CEP44: variants seen among roughly 807,000 people sequenced by gnomAD.
CEP44 encodes centrosomal protein of 44 kDa.
A neutral mutation model predicts 46.7 loss-of-function variants in CEP44; 45 were observed. The observed-to-expected ratio is 0.96, with a 90% CI of 0.76 to 1.24. The LOEUF is 1.24. CEP44 is among the 50% of genes most tolerant of loss of function. CEP44 has a pLI of 0.00. For synonymous variants in CEP44, 142 were observed against 146.0 expected, an observed-to-expected ratio of 0.97 and a Z score of 0.20; for missense variants, 475 against 459.7, an observed-to-expected ratio of 1.03 and a Z score of -0.30.
chr4:174,289,021 G>T (rs1010978747), intron 1 of CEP44, among the ~76,000 whole-genome samples: 2 of 152,166 alleles, frequency 1.3e-5, no homozygotes, highest in African/African-American at 4.8e-5. Context: ...AGATGCCCAT[G>T]TGAGTTTTAT....
intron 6 of CEP44, among the ~76,000 whole-genome samples, chr4:174,305,583 A>G (rs1055645212): frequency 1.3e-5 from 2 of 152,240 alleles, no homozygotes; most frequent in Non-Finnish European, 2.9e-5. Context: ...GAATGATACA[A>G]AGCCGCCATT....
chr4:174,298,089 T>G (rs1310189922), intron 2 of CEP44, 27 bp downstream of exon 2: 3 of 152,220 alleles, frequency 2.0e-5, no homozygotes, highest in Admixed American at 1.3e-4. Context: ...TCATTTGCTT[T>G]TCATTTTCCA....
chr4:174,331,218 G>T lies in CEP44; in HGVS notation c.1087-264G>T. 6.7e-6 allele frequency among the ~76,000 whole-genome samples: 1 copy of T among 149,758 alleles called. No individual in the cohort carries two copies. The highest frequency in any genetic ancestry group is 2.5e-5 in the African/African-American group (1 of 40,652). ...AAGACAATTGCATAGATTTCTTATT[G>T]CCATCACTCCTCACCAATGAGAAAA... On this transcript the variant is annotated intron_variant, in intron 8 of 8. Transcript: ENST00000426172. This position sits in a 1 kb window ranked among gnomAD's most constrained non-coding sequence, Gnocchi z 4.5.
Position 174,318,833 on chromosome 4 carries a change from A to G in CEP44, c.*1450A>G. Reference sequence around the variant, plus strand: ...TTTTTTTTTTTTTTCTTTTTGAAACAGGGTCTCACTCTATTGCCCAGGCTG... The same window carrying G: ...TTTTTTTTTTTTTTCTTTTTGAAACGGGGTCTCACTCTATTGCCCAGGCTG... On this transcript the variant is annotated 3_prime_UTR_variant, in exon 12 of 12. Coordinates refer to ENST00000503780, the MANE Select transcript of CEP44 (RefSeq NM_001040157.3). 1.6e-6 allele frequency: 1 copy of G among 608,416 alleles called. No individual in the cohort carries two copies. Among genetic ancestry groups the G allele is most frequent in the Non-Finnish European group, 2.0e-6 (1 of 487,894 alleles). 37.7% of individuals were successfully genotyped at this position (608,416 alleles called of 1,614,324 possible).
rs1741841704 is a variant in CEP44, at chr4:174,317,277, A to T, written c.1125-58A>T. The T allele has an allele frequency of 1.1e-5, 8 of 706,022 alleles. No individual in the cohort carries two copies. The East Asian group carries it at 2.4e-4, about 21-fold the overall frequency. 43.7% of individuals were successfully genotyped at this position (706,022 alleles called of 1,614,324 possible). A position where few individuals can be genotyped will look rare whatever the true frequency, so the allele number is the denominator to read the frequency against. On this transcript the variant is annotated intron_variant, in intron 11 of 11. Transcript: ENST00000503780. ...AAAAAGCATAATTTCAACAACTAAA[A>T]TGCTATGCTTTATTATGAATTATTG...
chr4:174,333,303 C>T (rs1271691053), exon 9 of CEP44: 1 of 144,818 alleles, frequency 6.9e-6, no homozygotes, highest in Non-Finnish European at 1.5e-5. Flanking sequence ...GTATGCATAC[C>T]TTTCCACAGC....
intron 1 of CEP44, chr4:174,285,352 G>C (rs888788569): frequency 4.6e-5 from 7 of 152,172 alleles, no homozygotes; most frequent in African/African-American, 1.7e-4. Flanking sequence ...ATGTAGAGCA[G>C]TAGCTGTAAT....
At chr4:174,333,193 AG>A (rs1449577582) in exon 9 of CEP44, 1 of 151,094 alleles carries the variant, frequency 6.6e-6, no homozygotes, top group Non-Finnish European at 1.5e-5. Flanking sequence ...GTGGTTAATT[AG>A]AGAGCGTAAA....
intron 6 of CEP44, among the ~76,000 whole-genome samples, 176 bp downstream of exon 6, chr4:174,304,545 T>G (rs577835213): frequency 6.6e-6 from 1 of 152,332 alleles, no homozygotes; most frequent in Admixed American, 6.5e-5. Flanking sequence ...GTTATAACAA[T>G]AGGATAGAAA....
Position 174,288,132 on chromosome 4 carries a change from AT to A in CEP44, c.-148+4191del. ...TTTTTAACCTGTTTATTGCGGTATGATTGACATACAGAAAGCTATAGACATT... is the reference window on the plus strand; with the variant it reads ...TTTTTAACCTGTTTATTGCGGTATGATGACATACAGAAAGCTATAGACATT... On this transcript the variant is annotated intron_variant, in intron 1 of 11. Transcript: ENST00000503780. This position sits in a 1 kb window ranked among gnomAD's most constrained non-coding sequence, Gnocchi z 4.6. Among the ~76,000 whole-genome samples, 1 of 152,296 alleles carries A rather than the reference AT, an allele frequency of 6.6e-6. No individual in the cohort carries two copies. Among genetic ancestry groups the A allele is most frequent in the East Asian group, 1.9e-4 (1 of 5,176 alleles).
chr4:174,317,543 TTTAA>T lies in CEP44; in HGVS notation c.*162_*165del. On this transcript the variant is annotated 3_prime_UTR_variant, in exon 12 of 12. Transcript: ENST00000503780. The stretch of plus-strand genomic sequence containing the variant: ...TTTGCATTCATTATTGAATAACTCT[TTTAA>T]TATTTTTGAGCAATGATTATACTGC... 8.4e-7 allele frequency: 1 copy of T among 1,184,560 alleles called. No homozygotes were observed. The highest frequency in any genetic ancestry group is 1.1e-6 in the Non-Finnish European group (1 of 948,820). 73.4% of individuals were successfully genotyped at this position (1,184,560 alleles called of 1,614,324 possible).
In CEP44 at chr4:174,301,962, T is replaced by C; in HGVS notation, c.90-77T>C. 3 of 1,255,816 alleles carry C rather than the reference T, an allele frequency of 2.4e-6. No homozygotes were observed. The highest frequency in any genetic ancestry group is 3.3e-6 in the Non-Finnish European group (3 of 910,904). The allele number at this position is 1,255,816 out of a possible 1,614,324, so 77.8% of individuals were successfully genotyped here. ...TAAATTATTATAAACATTTCTAATA[T>C]TTTCTTGATTATCCAACTTTGTGGA... On this transcript the variant is annotated intron_variant, in intron 3 of 11. Transcript: ENST00000503780. The surrounding 1 kb of genome is among the most constrained non-coding windows in gnomAD (Gnocchi z 4.3).
intron 8 of CEP44, among the ~76,000 whole-genome samples, chr4:174,327,170 T>C (rs2126700880): frequency 7.0e-6 from 1 of 143,724 alleles, no homozygotes; most frequent in South Asian, 2.3e-4. Flanking sequence ...TGTGTGTATA[T>C]ATATGTATAT....
chr4:174,308,758 C>G lies in CEP44; in HGVS notation c.577C>G (p.Pro193Ala). The G allele has an allele frequency of 1.2e-6, 2 of 1,612,806 alleles. No homozygotes were observed. The highest frequency in any genetic ancestry group is 1.7e-5 in the Admixed American group (1 of 59,954). Reference sequence around the variant, plus strand: ...TGACATTTCTGAGGATACATTAAGTCCAATAACAGATGTTAATGAAGCAGT... The same window carrying G: ...TGACATTTCTGAGGATACATTAAGTGCAATAACAGATGTTAATGAAGCAGT... ...NVDISEDTLS[P>A]ITDVNEAVDV... is the part of the protein sequence containing the mutation. The change falls in exon 7 of 12, where the codon CCA (proline) becomes GCA (alanine). Residue 193 changes from proline (P) to alanine (A), a missense_variant. Physicochemically the swap from Pro to Ala is conservative, Grantham distance 27. Transcript: ENST00000503780.
downstream of CEP44, among the ~76,000 whole-genome samples, chr4:174,322,879 G>A (rs1304615509): frequency 6.6e-6 from 1 of 152,082 alleles, no homozygotes; most frequent in Non-Finnish European, 1.5e-5. Context: ...TAGCATTAAT[G>A]CCCAAGTTGG....
chr4:174,302,653 T>G (rs1456714803), intron 4 of CEP44, among the ~76,000 whole-genome samples: 2 of 152,156 alleles, frequency 1.3e-5, no homozygotes, highest in African/African-American at 4.8e-5. Context: ...TTGTACTATG[T>G]GTATACTGAA....
intron 4 of CEP44, 141 bp downstream of exon 4, chr4:174,302,327 GTC>G (rs1181992006): frequency 1.0e-5 from 6 of 579,174 alleles, no homozygotes; most frequent in African/African-American, 5.9e-5. Flanking sequence ...TTTAAATGTA[GTC>G]TCTATTGAAA....
At position 174,297,612 on chromosome 4, in the gene CEP44, A is replaced by G. The variant is rs1739194277; in HGVS notation, c.-147-354A>G. On this transcript the variant is annotated intron_variant, in intron 1 of 11. Coordinates refer to ENST00000503780, the MANE Select transcript of CEP44 (RefSeq NM_001040157.3). This position sits in a 1 kb window ranked among gnomAD's most constrained non-coding sequence, Gnocchi z 4.3. Reference sequence around the variant, plus strand: ...TGCTGTCACAGAGGATGTAAGTCTAACAGCTTCTTGAGGCTGAGATATAGG... The same window carrying G: ...TGCTGTCACAGAGGATGTAAGTCTAGCAGCTTCTTGAGGCTGAGATATAGG... 6.6e-6 allele frequency among the ~76,000 whole-genome samples: 1 copy of G among 151,974 alleles called. No individual in the cohort carries two copies. Among genetic ancestry groups the G allele is most frequent in the Non-Finnish European group, 1.5e-5 (1 of 67,984 alleles).
At position 174,289,905 on chromosome 4, in the gene CEP44, C is replaced by T. The variant is rs116412078; in HGVS notation, c.-148+5962C>T. Among the ~76,000 whole-genome samples, 1,433 of 150,150 alleles carry T rather than the reference C, an allele frequency of 9.5e-3. 23 individuals carry two copies. Among genetic ancestry groups the T allele is most frequent in the African/African-American group, 0.033 (1,361 of 40,826 alleles). Reference sequence around the variant, plus strand: ...GGCTGGAGTGCAGTGGCGTGATGATCTTGGCTTACTGCAACCTCCGCCTCC... The same window carrying T: ...GGCTGGAGTGCAGTGGCGTGATGATTTTGGCTTACTGCAACCTCCGCCTCC... On this transcript the variant is annotated intron_variant, in intron 1 of 11. Transcript: ENST00000503780.
Sources: gnomAD v4.1 joint callset for allele counts (sites outside exome capture counted in the v4.1 genomes callset) on GRCh38, gnomAD v4.1.1 for gene constraint, Gnocchi (gnomAD v3.1) non-coding constraint, MANE v1.5 for transcripts, NCBI Gene and HGNC (gene_info 2026-07-23, HGNC 2026-07-21) for gene names.